TMEM38B: variants seen among roughly 807,000 people sequenced by gnomAD.
The protein encoded by TMEM38B is transmembrane protein 38B, also known as trimeric intracellular cation channel type B.
In TMEM38B, 24 loss-of-function variants were observed where a neutral mutation model predicts 28.7. The ratio of observed to expected loss-of-function variants is 0.84; its 90% confidence interval spans 0.61 to 1.18. TMEM38B has a LOEUF of 1.18. Ranked by LOEUF, TMEM38B falls within the 50% of genes most tolerant of loss-of-function variation. The pLI is 0.00. For synonymous variants in TMEM38B, 131 were observed against 127.7 expected (o/e 1.03, Z -0.17); for missense variants, 380 against 350.9 (o/e 1.08, Z -0.66).
intron 2 of TMEM38B, among the ~76,000 whole-genome samples, chr9:105,721,144 A>G (rs1357036601): frequency 6.6e-6 from 1 of 152,090 alleles, no homozygotes; most frequent in African/African-American, 2.4e-5. Flanking sequence ...TCTCTAATTC[A>G]TTTTCCCAGA....
chr9:105,710,398 C>A, intron 2 of TMEM38B: 1 of 910,248 alleles, frequency 1.1e-6, no homozygotes, highest in Non-Finnish European at 1.8e-6. Flanking sequence ...TTCATGATCT[C>A]CTTCTTTCAT....
At chr9:105,708,079 T>C (rs1291521839) in intron 2 of TMEM38B, among the ~76,000 whole-genome samples, 1 of 152,188 alleles carries the variant, frequency 6.6e-6, no homozygotes, top group South Asian at 2.1e-4. Context: ...CTAAGTGGTC[T>C]TGCTGCTTCT....
chr9:105,745,209 TAA>T (rs1837343820), intron 4 of TMEM38B, among the ~76,000 whole-genome samples: 1 of 152,220 alleles, frequency 6.6e-6, no homozygotes, highest in Non-Finnish European at 1.5e-5. Context: ...ACCAACAGTG[TAA>T]AAGTGTTCCT....
At chr9:105,731,513 G>A (rs1000115891) in intron 4 of TMEM38B, among the ~76,000 whole-genome samples, 1 of 151,966 alleles carries the variant, frequency 6.6e-6, no homozygotes. Flanking sequence ...GTGTCCAAGT[G>A]TTCTCATTGT....
chr9:105,753,049 T>A (rs1039332659), intron 5 of TMEM38B, among the ~76,000 whole-genome samples: 2 of 152,046 alleles, frequency 1.3e-5, no homozygotes, highest in African/African-American at 4.8e-5. Context: ...GCAGAATACA[T>A]GAAGCAGAGG....
At chr9:105,758,710 AC>A (rs2133635580) in intron 5 of TMEM38B, 2 of 737,238 alleles carry the variant, frequency 2.7e-6, no homozygotes, top group Non-Finnish European at 4.8e-6. Context: ...AACATAGAGA[AC>A]TTTTCCAAAG....
chr9:105,743,316 G>A (rs779830774), intron 4 of TMEM38B, among the ~76,000 whole-genome samples: 2 of 152,156 alleles, frequency 1.3e-5, no homozygotes, highest in Non-Finnish European at 2.9e-5. Flanking sequence ...AGTAATACAA[G>A]TTTGGTCTGT....
chr9:105,756,334 G>T (rs1588462807), intron 5 of TMEM38B, among the ~76,000 whole-genome samples: 1 of 152,124 alleles, frequency 6.6e-6, no homozygotes, highest in Non-Finnish European at 1.5e-5. Context: ...TGGAGAGAAT[G>T]AGCATTCTTG....
rs1826707855 is a variant in TMEM38B, at chr9:105,775,858, G to GT, written c.*1779dup. The stretch of plus-strand genomic sequence containing the variant: ...TTTTATGTTTTATATTTTTCTTGAG[G>GT]TAGAGTTTCAGAACTCATCTAGTAT... On this transcript the variant is annotated 3_prime_UTR_variant, in exon 6 of 6. Coordinates refer to ENST00000374692, the MANE Select transcript of TMEM38B (RefSeq NM_018112.3). 1 of 151,934 alleles carries GT rather than the reference G, an allele frequency of 6.6e-6. No individual in the cohort carries two copies. The highest frequency in any genetic ancestry group is 2.4e-5 in the African/African-American group (1 of 41,358). 9.4% of individuals were successfully genotyped at this position (151,934 alleles called of 1,614,324 possible). A position where few individuals can be genotyped will look rare whatever the true frequency, so the allele number is the denominator to read the frequency against.
intron 4 of TMEM38B, among the ~76,000 whole-genome samples, chr9:105,741,677 A>G (rs992236255): frequency 2.6e-5 from 4 of 152,212 alleles, no homozygotes; most frequent in Non-Finnish European, 5.9e-5. Flanking sequence ...GAAATTTCCA[A>G]GCAAAGTGTT....
chr9:105,749,410 C>G (rs900075046), intron 5 of TMEM38B: 1 of 175,230 alleles, frequency 5.7e-6, no homozygotes, highest in Non-Finnish European at 1.2e-5. Flanking sequence ...CAGGGGAACT[C>G]CCATTTATAA....
At chr9:105,722,098 A>G (rs1588416019) in intron 3 of TMEM38B, among the ~76,000 whole-genome samples, 1 of 152,204 alleles carries the variant, frequency 6.6e-6, no homozygotes, top group East Asian at 1.9e-4. Flanking sequence ...TTCATTCAGA[A>G]TTACTAGAAA....
chr9:105,731,416 A>G (rs1836742813), intron 4 of TMEM38B, among the ~76,000 whole-genome samples: 1 of 151,838 alleles, frequency 6.6e-6, no homozygotes, highest in Non-Finnish European at 1.5e-5. Flanking sequence ...TTAACTCGTC[A>G]TTTATATTAG....
chr9:105,736,104 T>C, intron 4 of TMEM38B, among the ~76,000 whole-genome samples: 1 of 151,682 alleles, frequency 6.6e-6, no homozygotes, highest in East Asian at 1.9e-4. Context: ...TGCCCAGGCT[T>C]GTCCTGAACT....
chr9:105,720,958 C>G (rs1319259750), intron 2 of TMEM38B, among the ~76,000 whole-genome samples: 1 of 152,140 alleles, frequency 6.6e-6, no homozygotes, highest in Non-Finnish European at 1.5e-5. Context: ...AATTAAAGAA[C>G]AGCTTCATAT....
chr9:105,767,909 C>T (rs1826426288), intron 5 of TMEM38B, among the ~76,000 whole-genome samples: 3 of 151,984 alleles, frequency 2.0e-5, no homozygotes, highest in Non-Finnish European at 4.4e-5. Flanking sequence ...CCTTTTCAAC[C>T]CGGATGCTGT....
intron 4 of TMEM38B, among the ~76,000 whole-genome samples, chr9:105,743,358 C>A (rs1837272746): frequency 6.6e-6 from 1 of 152,142 alleles, no homozygotes; most frequent in South Asian, 2.1e-4. Context: ...TGAACTCAGT[C>A]CTTAGCTTGC....
chr9:105,702,258 G>A (rs555641009), intron 1 of TMEM38B, among the ~76,000 whole-genome samples: 35 of 151,258 alleles, frequency 2.3e-4, no homozygotes, highest in African/African-American at 8.0e-4. Context: ...AAAGGGGAAA[G>A]ACTAAAGCAA....
chr9:105,765,888 G>A (rs747623381), intron 5 of TMEM38B, among the ~76,000 whole-genome samples: 12 of 151,798 alleles, frequency 7.9e-5, no homozygotes, highest in Non-Finnish European at 1.3e-4. Flanking sequence ...TGCAACCTCC[G>A]CCGCATGGGT....
Sources: allele counts gnomAD v4.1 joint callset (sites outside exome capture counted in the v4.1 genomes callset), GRCh38; gene constraint gnomAD v4.1.1; transcripts MANE v1.5; gene names NCBI Gene and HGNC (gene_info 2026-07-23, HGNC 2026-07-21).